ORC1: variants seen among roughly 807,000 people sequenced by gnomAD.
ORC1 encodes origin recognition complex subunit 1, also known as origin recognition complex, subunit 1 homolog.
Under a neutral mutation model 98.9 loss-of-function variants are expected in ORC1, and 61 were observed. That is an observed-to-expected ratio of 0.62 (90% CI 0.50 to 0.76). The LOEUF (loss-of-function observed/expected upper bound fraction) is 0.76, where lower values mean the gene tolerates loss of function less well. ORC1 is among the 30% of genes least tolerant of loss of function. The pLI, the probability that ORC1 is intolerant of heterozygous loss-of-function variation, is 0.00. For synonymous variants in ORC1, 385 were observed against 406.9 expected, an observed-to-expected ratio of 0.95 and a Z score of 0.65; for missense variants, 979 against 1,072.2, an observed-to-expected ratio of 0.91 and a Z score of 1.21.
rs553795191 is a variant in ORC1, at chr1:52,391,759, G to T, written c.1082+1684C>A. Among the ~76,000 whole-genome samples the T allele has an allele frequency of 2.6e-5, 4 of 151,958 alleles. No homozygotes were observed. The South Asian group carries it at 8.3e-4, about 32-fold the overall frequency. ...ACTAAAATACAAAAATTAGTCGGGC[G>T]TGGTGGTGAGTGCCTATAGTCCCAG... On this transcript the variant is annotated intron_variant, in intron 6 of 16. Transcript: ENST00000371568.
At chr1:52,374,714 G>A (rs981009122) in intron 16 of ORC1, 96 bp downstream of exon 16, 5 of 812,190 alleles carry the variant, frequency 6.2e-6, no homozygotes, top group Non-Finnish European at 1.1e-5. Flanking sequence ...ACTCTAGGTG[G>A]CACAAAATAG....
chr1:52,393,600 T>C lies in ORC1; in HGVS notation c.925A>G (p.Lys309Glu). 3.7e-6 allele frequency: 6 copies of C among 1,614,214 alleles called. No homozygotes were observed. Among genetic ancestry groups the C allele is most frequent in the Non-Finnish European group, 5.1e-6 (6 of 1,180,032 alleles). The change falls in exon 6 of 17, where the codon AAG becomes GAG. Residue 309 changes from lysine to glutamate, a missense_variant. Physicochemically the swap from Lys to Glu is moderately conservative, Grantham distance 56. Transcript: ENST00000371568. ...TGLSYTEDDK[K>E]ASPEHRIILR... Reference sequence around the variant, plus strand: ...ATTATGCGATGTTCAGGTGAAGCCTTCTTGTCATCCTCAGTATAAGAGAGT... The same window carrying C: ...ATTATGCGATGTTCAGGTGAAGCCTCCTTGTCATCCTCAGTATAAGAGAGT...
chr1:52,374,471 T>C (rs1028225214), intron 16 of ORC1, among the ~76,000 whole-genome samples: 1 of 152,196 alleles, frequency 6.6e-6, no homozygotes, highest in Non-Finnish European at 1.5e-5. Context: ...CATGCAGGGA[T>C]TGGATTGATC....
chr1:52,402,588 C>G (rs1245286242), intron 1 of ORC1, among the ~76,000 whole-genome samples: 1 of 152,164 alleles, frequency 6.6e-6, no homozygotes, highest in Non-Finnish European at 1.5e-5. Context: ...GACAGTGATA[C>G]AGGGGTTGTA....
intron 6 of ORC1, among the ~76,000 whole-genome samples, chr1:52,392,162 C>T (rs1022287301): frequency 3.3e-5 from 5 of 149,770 alleles, no homozygotes; most frequent in Non-Finnish European, 5.9e-5. Context: ...GATGGAGTCT[C>T]GCTGTCGCCC....
rs1647119291 is a variant in ORC1, at chr1:52,384,676, A to G, written c.1629T>C (p.Thr543=). ...GCAGGCAGCGTATCACTTCATGAAC[A>G]GTGGCAGTCTTCCCTGTCCCAGGGA... ...SGVPGTGKTA[T]VHEVIRCLQQ... The change falls in exon 11 of 17, where the codon ACT becomes ACC. Residue 543 remains threonine, a synonymous_variant. Transcript: ENST00000371568. The G allele has an allele frequency of 6.2e-7, 1 of 1,614,058 alleles. No homozygotes were observed. Among genetic ancestry groups the G allele is most frequent in the Non-Finnish European group, 8.5e-7 (1 of 1,179,992 alleles).
chr1:52,382,200 C>G (rs1376168324), intron 13 of ORC1, among the ~76,000 whole-genome samples: 1 of 152,204 alleles, frequency 6.6e-6, no homozygotes, highest in East Asian at 1.9e-4. Flanking sequence ...AGGATGGTCT[C>G]GATCTCCTGA....
chr1:52,395,353 G>A (rs1040738137), intron 5 of ORC1, among the ~76,000 whole-genome samples: 26 of 152,132 alleles, frequency 1.7e-4, no homozygotes, highest in African/African-American at 6.0e-4. Flanking sequence ...AAACCAGAAA[G>A]GGAAACAATT....
chr1:52,395,863 T>G (rs1039433194), intron 5 of ORC1, among the ~76,000 whole-genome samples, 183 bp downstream of exon 5: 4 of 152,162 alleles, frequency 2.6e-5, no homozygotes, highest in African/African-American at 9.7e-5. Flanking sequence ...AGTGCAGTGA[T>G]GTACCCTTGT....
At chr1:52,391,580 G>GA (rs1318739734) in intron 6 of ORC1, among the ~76,000 whole-genome samples, 2 of 151,968 alleles carry the variant, frequency 1.3e-5, no homozygotes, top group Admixed American at 6.6e-5. Context: ...AAATCAGCAA[G>GA]AAAAAAACAA....
upstream of ORC1, chr1:52,405,742 A>G: frequency 1.2e-6 from 2 of 1,614,182 alleles, no homozygotes; most frequent in Non-Finnish European, 1.7e-6. Flanking sequence ...TGGTGGCAAC[A>G]TAAAACCAAC....
intron 8 of ORC1, 135 bp downstream of exon 8, chr1:52,388,307 T>A: frequency 1.2e-6 from 1 of 832,894 alleles, no homozygotes; most frequent in Non-Finnish European, 2.1e-6. Flanking sequence ...CCATGAATAT[T>A]CCACAAAGAA....
rs145473118 is a variant in ORC1 at position 52,375,813 on chromosome 1, G to GGACA, written c.2134-218_2134-215dup. Among the ~76,000 whole-genome samples the GGACA allele has an allele frequency of 0.076, 11,517 of 152,222 alleles. 577 individuals carry two copies. The highest frequency in any genetic ancestry group is 0.11 in the Non-Finnish European group (7,523 of 67,980). The stretch of plus-strand genomic sequence containing the variant: ...TTGGTTTTACAGTTAACTCCACAGT[G>GGACA]GACAACACAGAAATTCTCAGCTTTA... On this transcript the variant is annotated intron_variant, in intron 14 of 16. Transcript: ENST00000371568.
chr1:52,372,992 C>T lies in ORC1; in HGVS notation c.*189G>A. 1 of 653,372 alleles carries T rather than the reference C, an allele frequency of 1.5e-6. No homozygotes were observed. The highest frequency in any genetic ancestry group is 2.8e-6 in the Non-Finnish European group (1 of 360,024). 40.5% of individuals were successfully genotyped at this position (653,372 alleles called of 1,614,324 possible). On this transcript the variant is annotated 3_prime_UTR_variant, in exon 17 of 17. Transcript: ENST00000371568. The stretch of plus-strand genomic sequence containing the variant: ...CTGTCTCTACAAAAAATCAGCTGGG[C>T]ATGGTGGCATGTGCCTGTAGTTTCA...
chr1:52,390,614 T>C (rs1290642361), intron 6 of ORC1, among the ~76,000 whole-genome samples: 3 of 151,716 alleles, frequency 2.0e-5, no homozygotes, highest in Admixed American at 6.6e-5. Context: ...CTGGCCAACA[T>C]GGTGAAACCC....
At chr1:52,402,732 G>A (rs546288958) in intron 1 of ORC1, among the ~76,000 whole-genome samples, 6 of 152,176 alleles carry the variant, frequency 3.9e-5, no homozygotes, top group East Asian at 3.9e-4. Context: ...TCAGGAGTTC[G>A]GGACCAGCCT....
chr1:52,384,704 C>T lies in ORC1; in HGVS notation c.1601G>A (p.Gly534Asp). The T allele has an allele frequency of 6.2e-7, 1 of 1,613,688 alleles. No homozygotes were observed. Among genetic ancestry groups the T allele is most frequent in the East Asian group, 2.2e-5 (1 of 44,850 alleles). ...DHTGGCMYIS[G>D]VPGTGKTATV... Reference sequence around the variant, plus strand: ...GGCAGTCTTCCCTGTCCCAGGGACACCGGAGATGTACATGCACCTAGAGCA... The same window carrying T: ...GGCAGTCTTCCCTGTCCCAGGGACATCGGAGATGTACATGCACCTAGAGCA... The change falls in exon 11 of 17, where the codon GGT becomes GAT. Residue 534 changes from glycine to aspartate, a missense_variant. Coordinates refer to ENST00000371568, the MANE Select transcript of ORC1 (RefSeq NM_004153.4).
chr1:52,385,711 AC>A (rs749763202), intron 9 of ORC1, 140 bp downstream of exon 9: 2 of 725,574 alleles, frequency 2.8e-6, no homozygotes, highest in Non-Finnish European at 5.0e-6. Flanking sequence ...ACATACACTC[AC>A]TTTACCTAGA....
At chr1:52,403,839 G>T (rs1263357319) in intron 1 of ORC1, among the ~76,000 whole-genome samples, 1 of 152,164 alleles carries the variant, frequency 6.6e-6, no homozygotes, top group Admixed American at 6.5e-5. Context: ...CGCAATTTAC[G>T]TCCGTAAAAT....
Sources: gnomAD v4.1 joint callset for allele counts (sites outside exome capture counted in the v4.1 genomes callset) on GRCh38, gnomAD v4.1.1 for gene constraint, MANE v1.5 for transcripts, NCBI Gene and HGNC (gene_info 2026-07-23, HGNC 2026-07-21) for gene names.